The following NFIB variants were observed in gnomAD, a reference collection of about 807,000 sequenced individuals.
NFIB encodes the protein nuclear factor 1 B-type.
NFIB carries 11 observed loss-of-function variants against 61.5 expected under a neutral mutation model. The observed-to-expected ratio is 0.18, with a 90% CI of 0.11 to 0.30. The LOEUF is 0.30. Among genes scored for constraint, NFIB ranks in the 10% least tolerant of loss-of-function variants. The pLI is 1.00. For missense variants in NFIB, 471 were observed against 608.9 expected, an observed-to-expected ratio of 0.77 and a Z score of 2.38; for synonymous variants, 260 against 216.5, an observed-to-expected ratio of 1.20 and a Z score of -1.76.
At chr9:14,378,861 T>C (rs980712315) in intron 1 of NFIB, among the ~76,000 whole-genome samples, 2 of 152,210 alleles carry the variant, frequency 1.3e-5, no homozygotes, top group Non-Finnish European at 2.9e-5. Flanking sequence ...CAGGGTGTAG[T>C]TTGAAAACAC....
At chr9:14,228,220 A>AG (rs2052684372) in intron 2 of NFIB, among the ~76,000 whole-genome samples, 1 of 146,696 alleles carries the variant, frequency 6.8e-6, no homozygotes, top group Admixed American at 6.9e-5. Flanking sequence ...TTTTTGAGAC[A>AG]GGGTCTCACT....
intron 2 of NFIB, among the ~76,000 whole-genome samples, chr9:14,254,610 C>G (rs141886737): frequency 9.1e-4 from 138 of 152,148 alleles, no homozygotes; most frequent in African/African-American, 3.2e-3. Flanking sequence ...TCTCTAATAG[C>G]TGCTCAAAGG....
chr9:14,342,396 A>T (rs1412477410), intron 1 of NFIB, among the ~76,000 whole-genome samples: 1 of 152,056 alleles, frequency 6.6e-6, no homozygotes, highest in Non-Finnish European at 1.5e-5. Context: ...CACCTTTGGA[A>T]AGATCAGGGG....
Position 14,085,300 on chromosome 9 carries a change from G to A in NFIB, c.*3009C>T. 4.4e-6 allele frequency: 1 copy of A among 225,970 alleles called. No homozygotes were observed. Among genetic ancestry groups the A allele is most frequent in the East Asian group, 6.4e-5 (1 of 15,670 alleles). 14.0% of individuals were successfully genotyped at this position (225,970 alleles called of 1,614,324 possible). On this transcript the variant is annotated 3_prime_UTR_variant, in exon 11 of 11. Transcript: ENST00000380953. The stretch of plus-strand genomic sequence containing the variant: ...GCCATGGCCTAGGGGAAGGGGGCCA[G>A]GGGACTCCTTAAGACAGCCTACCAT...
chr9:14,347,034 G>C (rs1169837660), intron 1 of NFIB, among the ~76,000 whole-genome samples: 2 of 151,912 alleles, frequency 1.3e-5, no homozygotes, highest in Non-Finnish European at 2.9e-5. Context: ...CGCGGCCAGG[G>C]AGCCCCTGGC....
chr9:14,128,461 G>A (rs2039973666), intron 6 of NFIB, among the ~76,000 whole-genome samples: 1 of 152,152 alleles, frequency 6.6e-6, no homozygotes. Flanking sequence ...ACTTTGGGAG[G>A]CTAAGGCGGG....
chr9:14,357,012 A>C (rs1321501139), intron 1 of NFIB: 1 of 152,238 alleles, frequency 6.6e-6, no homozygotes, highest in African/African-American at 2.4e-5. Context: ...TGAAGAGTGT[A>C]AATTTTAAAA....
the NFIB span, among the ~76,000 whole-genome samples, chr9:14,436,721 C>G: frequency 6.6e-6 from 1 of 152,156 alleles, no homozygotes; most frequent in African/African-American, 2.4e-5. Flanking sequence ...TCTGATTGTG[C>G]TATATCAATA....
intron 2 of NFIB, among the ~76,000 whole-genome samples, chr9:14,230,132 A>AT (rs1435605255): frequency 6.6e-6 from 1 of 152,164 alleles, no homozygotes; most frequent in East Asian, 1.9e-4. Context: ...AATTAGTGGT[A>AT]TTTTTAAGAC....
intron 3 of NFIB, among the ~76,000 whole-genome samples, chr9:14,159,303 G>T (rs2043855002): frequency 1.3e-5 from 2 of 152,176 alleles, no homozygotes. Context: ...GGAAACAATG[G>T]AAAGAGGTAG....
chr9:14,328,504 G>A (rs2060781803), intron 1 of NFIB, among the ~76,000 whole-genome samples: 1 of 151,180 alleles, frequency 6.6e-6, no homozygotes, highest in African/African-American at 2.4e-5. Context: ...ATTTTTTTTG[G>A]TTATATGAAC....
At chr9:14,386,726 A>G (rs910249396) in intron 1 of NFIB, among the ~76,000 whole-genome samples, 5 of 152,182 alleles carry the variant, frequency 3.3e-5, no homozygotes, top group African/African-American at 7.2e-5. Flanking sequence ...TTATATATTT[A>G]TTAGATTGTA....
At chr9:14,519,242 G>C in the NFIB span, among the ~76,000 whole-genome samples, 2 of 152,114 alleles carry the variant, frequency 1.3e-5, no homozygotes, top group African/African-American at 4.8e-5. Flanking sequence ...ATCGGTGCTT[G>C]TATAAGGATA....
At chr9:14,175,167 C>CTTTTCTTTTTTT (rs2046033015) in intron 3 of NFIB, among the ~76,000 whole-genome samples, 1 of 126,034 alleles carries the variant, frequency 7.9e-6, no homozygotes, top group African/African-American at 3.3e-5. Flanking sequence ...TAAAGAATTT[C>CTTTTCTTTTTTT]TTTTTTTTTT....
chr9:14,134,504 A>G (rs79074187), intron 6 of NFIB, among the ~76,000 whole-genome samples: 3,578 of 152,242 alleles, frequency 0.024, 144 homozygotes, highest in African/African-American at 0.081. Flanking sequence ...TCTCTTTATA[A>G]TACAAAAACT....
chr9:14,470,057 A>T, the NFIB span, among the ~76,000 whole-genome samples: 1 of 152,208 alleles, frequency 6.6e-6, no homozygotes, highest in East Asian at 1.9e-4. Context: ...GAACTGTATG[A>T]ACTTCAGCAA....
At chr9:14,305,934 TA>T in intron 2 of NFIB, 1 of 1,288,698 alleles carries the variant, frequency 7.8e-7, no homozygotes, top group African/African-American at 1.5e-5. Flanking sequence ...TGCGGCTTTG[TA>T]AAATGATTGT....
intron 2 of NFIB, among the ~76,000 whole-genome samples, chr9:14,234,460 T>G (rs1328048152): frequency 5.3e-5 from 8 of 151,594 alleles, no homozygotes; most frequent in Non-Finnish European, 1.0e-4. Flanking sequence ...ACCTCCACCT[T>G]CCGCGTTCAA....
intron 2 of NFIB, among the ~76,000 whole-genome samples, chr9:14,294,275 T>C (rs948057762): frequency 6.6e-6 from 1 of 152,230 alleles, no homozygotes; most frequent in Non-Finnish European, 1.5e-5. Context: ...CTATAAGTCA[T>C]ATCCTAAAAT....
Sources: allele counts gnomAD v4.1 joint callset (sites outside exome capture counted in the v4.1 genomes callset), GRCh38; gene constraint gnomAD v4.1.1; transcripts MANE v1.5; gene names NCBI Gene and HGNC (gene_info 2026-07-23, HGNC 2026-07-21).